The following CATSPERE variants were observed in gnomAD, a reference collection of about 807,000 sequenced individuals.
The protein encoded by CATSPERE is catsper channel auxiliary subunit epsilon.
In CATSPERE, 93 loss-of-function variants were observed where a neutral mutation model predicts 114.1. The ratio of observed to expected loss-of-function variants is 0.81; its 90% CI spans 0.69 to 0.97. The LOEUF is 0.97. CATSPERE is among the 50% of genes least tolerant of loss of function. The pLI, the probability that CATSPERE is intolerant of heterozygous loss-of-function variation, is 0.00. For synonymous variants in CATSPERE, 341 were observed against 384.1 expected (o/e 0.89, Z 1.31); for missense variants, 1,058 against 1,131.6 (o/e 0.93, Z 0.93).
At position 244,573,265 on chromosome 1, in the gene CATSPERE, G is replaced by T. The variant is rs1664733433; in HGVS notation, c.1950+493G>T. On this transcript the variant is annotated intron_variant, in intron 11 of 21. Coordinates refer to ENST00000366534, the MANE Select transcript of CATSPERE (RefSeq NM_001130957.2). This position sits in a 1 kb window ranked among gnomAD's most constrained non-coding sequence, Gnocchi z 4.0. ...TCTCTACTAAAAATACAAAAAATTAGCCAGGCGTCATGGCGGGTGCCTGTA... is the reference window on the plus strand; with the variant it reads ...TCTCTACTAAAAATACAAAAAATTATCCAGGCGTCATGGCGGGTGCCTGTA... 6.6e-6 allele frequency among the ~76,000 whole-genome samples: 1 copy of T among 152,022 alleles called. No individual in the cohort carries two copies. The highest frequency in any genetic ancestry group is 1.5e-5 in the Non-Finnish European group (1 of 68,006).
intron 20 of CATSPERE, among the ~76,000 whole-genome samples, chr1:244,628,070 T>G (rs1673439434): frequency 6.6e-6 from 1 of 152,238 alleles, no homozygotes; most frequent in South Asian, 2.1e-4. Context: ...TACTTTACTT[T>G]GTAATGGCCA....
rs773570228 is a variant in CATSPERE, at chr1:244,583,820, G to A, written c.2010-44G>A. 1.0e-5 allele frequency: 16 copies of A among 1,569,154 alleles called. No individual in the cohort carries two copies. The East Asian group carries it at 3.4e-4, about 33-fold the overall frequency. On this transcript the variant is annotated intron_variant, in intron 12 of 21. Transcript: ENST00000366534. ...TCTACAGAAAGACAGTGTCATGCCTGTCTCTCACATGATACAATAACCTGT... is the reference window on the plus strand; with the variant it reads ...TCTACAGAAAGACAGTGTCATGCCTATCTCTCACATGATACAATAACCTGT...
chr1:244,489,368 A>G (rs1671577147), intron 5 of CATSPERE, among the ~76,000 whole-genome samples: 1 of 151,088 alleles, frequency 6.6e-6, no homozygotes, highest in Non-Finnish European at 1.5e-5. Flanking sequence ...TTTTTTATGC[A>G]GAATGACAAT....
chr1:244,486,738 C>T (rs1163005935), intron 5 of CATSPERE, among the ~76,000 whole-genome samples: 4 of 122,676 alleles, frequency 3.3e-5, no homozygotes, highest in South Asian at 2.8e-4. Context: ...TACTCGTGGG[C>T]CAGGTGTAGA....
Position 244,560,787 on chromosome 1 carries a change from A to G in CATSPERE, c.1149A>G (p.Leu383=). The G allele has an allele frequency of 1.2e-6, 2 of 1,614,018 alleles. No individual in the cohort carries two copies. Among genetic ancestry groups the G allele is most frequent in the Non-Finnish European group, 1.7e-6 (2 of 1,179,922 alleles). Residue 383 remains leucine, a synonymous_variant, in exon 10 of 22, where the codon CTA becomes CTG. Coordinates refer to ENST00000366534, the MANE Select transcript of CATSPERE (RefSeq NM_001130957.2). ...TTTELKNILS[L]SVTATLTIDR... ...CAGAACTGAAAAACATCCTAAGTCTATCGGTGACTGCTACTCTGACCATAG... is the reference window on the plus strand; with the variant it reads ...CAGAACTGAAAAACATCCTAAGTCTGTCGGTGACTGCTACTCTGACCATAG...
chr1:244,617,722 A>C lies in CATSPERE; in HGVS notation c.2648+36A>C, dbSNP rs1671574844. On this transcript the variant is annotated intron_variant, in intron 20 of 21. Coordinates refer to ENST00000366534, the MANE Select transcript of CATSPERE (RefSeq NM_001130957.2). ...GTGTTACTGTAATAGTGTTAGCATTAGTTCTTCAAAATCTTTATTTTTTTA... is the reference window on the plus strand; with the variant it reads ...GTGTTACTGTAATAGTGTTAGCATTCGTTCTTCAAAATCTTTATTTTTTTA... 3 of 1,469,862 alleles carry C rather than the reference A, an allele frequency of 2.0e-6. No homozygotes were observed. In the East Asian group the frequency reaches 7.9e-5, roughly 39 times the overall value. The allele number at this position is 1,469,862 out of a possible 1,614,324, so 91.1% of individuals were successfully genotyped here.
chr1:244,625,418 A>ATTTTTT (rs1558618868), intron 20 of CATSPERE, among the ~76,000 whole-genome samples: 2 of 5,802 alleles, frequency 3.4e-4, no homozygotes, highest in African/African-American at 7.9e-4. Flanking sequence ...ATATATATAT[A>ATTTTTT]TATATATATA....
At chr1:244,500,982 G>C (rs1673950373) in intron 7 of CATSPERE, among the ~76,000 whole-genome samples, 2 of 152,136 alleles carry the variant, frequency 1.3e-5, no homozygotes, top group African/African-American at 4.8e-5. Flanking sequence ...CATGAGCATG[G>C]AATTTTTTCC....
intron 14 of CATSPERE, among the ~76,000 whole-genome samples, chr1:244,588,922 C>A (rs1005482569): frequency 5.3e-5 from 8 of 152,142 alleles, no homozygotes; most frequent in African/African-American, 1.9e-4. Flanking sequence ...TCATTTCCAT[C>A]AGAGAACTGC....
intron 2 of CATSPERE, among the ~76,000 whole-genome samples, chr1:244,474,003 C>G (rs1349029357): frequency 6.6e-6 from 1 of 151,292 alleles, no homozygotes; most frequent in Non-Finnish European, 1.5e-5. Context: ...TTTATTTACT[C>G]TTTTACTGCC....
At chr1:244,544,543 A>T (rs1190910294) in intron 8 of CATSPERE, among the ~76,000 whole-genome samples, 2 of 152,186 alleles carry the variant, frequency 1.3e-5, no homozygotes, top group Admixed American at 6.5e-5. Flanking sequence ...TGAAGTGAGG[A>T]TAATTATGGT....
At chr1:244,580,374 T>A (rs570699608) in intron 11 of CATSPERE, among the ~76,000 whole-genome samples, 3 of 152,084 alleles carry the variant, frequency 2.0e-5, no homozygotes, top group Non-Finnish European at 4.4e-5. Flanking sequence ...GAATTGAGGC[T>A]CAATGAAGTA....
intron 10 of CATSPERE, among the ~76,000 whole-genome samples, chr1:244,565,434 T>C (rs1387898583): frequency 6.6e-6 from 1 of 152,200 alleles, no homozygotes; most frequent in Non-Finnish European, 1.5e-5. Flanking sequence ...GAACTTGTTA[T>C]TGGTCTATTC....
chr1:244,615,497 C>T (rs1053846247), intron 19 of CATSPERE, among the ~76,000 whole-genome samples: 5 of 151,494 alleles, frequency 3.3e-5, no homozygotes, highest in African/African-American at 1.2e-4. Context: ...GTGTAGCCTA[C>T]TAGATAACTA....
At chr1:244,549,406 C>T (rs768633593) in intron 8 of CATSPERE, among the ~76,000 whole-genome samples, 12 of 119,302 alleles carry the variant, frequency 1.0e-4, no homozygotes, top group Non-Finnish European at 1.7e-4. Context: ...GTTAAGAATA[C>T]ATTTGTGTGT....
intron 8 of CATSPERE, among the ~76,000 whole-genome samples, chr1:244,527,628 G>C (rs9429008): frequency 0.13 from 19,591 of 152,166 alleles, 2,198 homozygotes; most frequent in African/African-American, 0.3. Flanking sequence ...TAAAGACAGG[G>C]ATAGGAAATC....
intron 8 of CATSPERE, among the ~76,000 whole-genome samples, chr1:244,520,820 A>G (rs191577072): frequency 6.6e-6 from 1 of 152,342 alleles, no homozygotes; most frequent in Non-Finnish European, 1.5e-5. Flanking sequence ...AATCGTCAAA[A>G]TTGACCCAAA....
At chr1:244,617,078 C>T (rs1341590434) in intron 19 of CATSPERE, among the ~76,000 whole-genome samples, 1 of 152,050 alleles carries the variant, frequency 6.6e-6, no homozygotes, top group Non-Finnish European at 1.5e-5. Context: ...TTTAAAAAGG[C>T]AGGCAGGAGA....
rs1674553980 is a variant in CATSPERE at position 244,504,712 on chromosome 1, A to G, written c.429+5633A>G. On this transcript the variant is annotated intron_variant, in intron 7 of 21. Coordinates refer to ENST00000366534, the MANE Select transcript of CATSPERE (RefSeq NM_001130957.2). This position sits in a 1 kb window ranked among gnomAD's most constrained non-coding sequence, Gnocchi z 4.1. ...CAGATTGGAGTTAGGTGTTTCAGGC[A>G]GGAAGACCGCAGAAGTAAAGTGGCA... Among the ~76,000 whole-genome samples the G allele has an allele frequency of 2.6e-5, 4 of 152,344 alleles. No individual in the cohort carries two copies. In the South Asian group the frequency reaches 8.3e-4, roughly 32 times the overall value.
Sources: allele counts gnomAD v4.1 joint callset (sites outside exome capture counted in the v4.1 genomes callset), GRCh38; gene constraint gnomAD v4.1.1; non-coding constraint Gnocchi (gnomAD v3.1); transcripts MANE v1.5; gene names NCBI Gene and HGNC (gene_info 2026-07-23, HGNC 2026-07-21).